SYNE2: variants seen among roughly 807,000 people sequenced by gnomAD.
SYNE2 encodes the protein spectrin repeat containing nuclear envelope protein 2.
SYNE2 carries 431 observed loss-of-function variants against 856.3 expected under a neutral mutation model. That is an observed-to-expected ratio of 0.50 (90% CI 0.47 to 0.55). The LOEUF (loss-of-function observed/expected upper bound fraction) is 0.55. Ranked by LOEUF, SYNE2 falls within the 20% of genes least tolerant of loss-of-function variation. SYNE2 has a pLI of 0.00. For synonymous variants in SYNE2, 2,923 were observed against 2,872.3 expected, an observed-to-expected ratio of 1.02 and a Z score of -0.56; for missense variants, 8,129 against 8,023.2, an observed-to-expected ratio of 1.01 and a Z score of -0.50.
At chr14:63,843,960 T>C (rs1423048477) in intron 1 of SYNE2, among the ~76,000 whole-genome samples, 1 of 152,176 alleles carries the variant, frequency 6.6e-6, no homozygotes, top group Non-Finnish European at 1.5e-5. Flanking sequence ...CACACACTCA[T>C]GCACACAGCT....
intron 56 of SYNE2, 115 bp from the exon 57 acceptor site, chr14:64,081,328 G>T (rs2097522172): frequency 7.6e-7 from 1 of 1,308,480 alleles, no homozygotes; most frequent in African/African-American, 1.5e-5. Context: ...ATGGGGAGCA[G>T]ACATCTGCAA....
chr14:63,997,070 T>C lies in SYNE2; in HGVS notation c.3064T>C (p.Tyr1022His). Residue 1022 changes from tyrosine (Y) to histidine (H), a missense_variant, in exon 24 of 116, where the codon TAT becomes CAT. By Grantham distance (83) the Tyr-to-His change is moderately conservative. Around this residue, in one of 3 missense-constraint regions of SYNE2, gnomAD observed 2,422 missense variants for 2,357.4 expected, o/e 1.03. Coordinates refer to ENST00000555002, the MANE Select transcript of SYNE2 (RefSeq NM_182914.3). The stretch of plus-strand genomic sequence containing the variant: ...AGAAGTGAAGAGACTACTCAAAGAT[T>C]ATGAACAAAAGATAGAAAGACTTCT... ...QQEVKRLLKD[Y>H]EQKIERLLKC... The C allele has an allele frequency of 6.2e-7, 1 of 1,614,064 alleles. No individual in the cohort carries two copies. The highest frequency in any genetic ancestry group is 8.5e-7 in the Non-Finnish European group (1 of 1,179,992).
At chr14:63,891,257 G>A (rs967877279) in intron 1 of SYNE2, among the ~76,000 whole-genome samples, 1 of 152,148 alleles carries the variant, frequency 6.6e-6, no homozygotes, top group African/African-American at 2.4e-5. Context: ...TACTTACGTA[G>A]GCATGAAAGT....
Position 63,983,784 on chromosome 14 carries a change from T to C in SYNE2, c.2049T>C (p.Phe683=). The part of the protein sequence containing the change: ...LMIKKQDQPT[F]DNSGNILSKE... ...TAAAAAAACAGGATCAGCCCACTTTTGACAATTCTGGAAATATTCTATCTA... is the reference window on the plus strand; with the variant it reads ...TAAAAAAACAGGATCAGCCCACTTTCGACAATTCTGGAAATATTCTATCTA... Residue 683 remains phenylalanine (F), a synonymous_variant, in exon 18 of 116, where the codon TTT becomes TTC. Transcript: ENST00000555002. 6.2e-7 allele frequency: 1 copy of C among 1,613,076 alleles called. No homozygotes were observed. Among genetic ancestry groups the C allele is most frequent in the Non-Finnish European group, 8.5e-7 (1 of 1,179,294 alleles).
chr14:64,003,342 C>T lies in SYNE2; in HGVS notation c.4397+12C>T. 2 of 1,613,828 alleles carry T rather than the reference C, an allele frequency of 1.2e-6. No homozygotes were observed. Among genetic ancestry groups the T allele is most frequent in the African/African-American group, 2.7e-5 (2 of 75,044 alleles). On this transcript the variant is annotated intron_variant, in intron 30 of 115. Transcript: ENST00000555002. ...GCTGTGAAACATCGGTAAGTATTGTCCATCCATTTCCATCCAAGGTGACTG... is the reference window on the plus strand; with the variant it reads ...GCTGTGAAACATCGGTAAGTATTGTTCATCCATTTCCATCCAAGGTGACTG...
intron 1 of SYNE2, among the ~76,000 whole-genome samples, chr14:63,907,490 T>A (rs1227809530): frequency 6.6e-6 from 1 of 152,196 alleles, no homozygotes; most frequent in Non-Finnish European, 1.5e-5. Context: ...TCCTAACTCT[T>A]ACCATTGTTA....
intron 8 of SYNE2, among the ~76,000 whole-genome samples, chr14:63,958,806 A>G (rs532727848): frequency 6.6e-6 from 1 of 152,286 alleles, no homozygotes; most frequent in East Asian, 1.9e-4. Flanking sequence ...ATTTATTTCT[A>G]TCAGTATGGA....
intron 1 of SYNE2, among the ~76,000 whole-genome samples, chr14:63,818,024 CAAA>C (rs34186501): frequency 3.1e-5 from 2 of 64,774 alleles, no homozygotes; most frequent in African/African-American, 1.3e-4. Context: ...GACCCTTTCT[CAAA>C]AAAAAAAAAA....
At chr14:64,185,206 AAGCCATGATCATGCCACTGTAGTCT>A (rs1437363975) in intron 96 of SYNE2, among the ~76,000 whole-genome samples, 1 of 152,232 alleles carries the variant, frequency 6.6e-6, no homozygotes, top group Non-Finnish European at 1.5e-5. Context: ...AGGCTGCAGT[AAGCCATGATCATGCCACTGTAGTCT>A]AGCATGGGAA....
rs11851291 is a variant in SYNE2 at position 64,011,472 on chromosome 14, C to G, written c.4728+1356C>G. Among the ~76,000 whole-genome samples, 236 of 152,282 alleles carry G rather than the reference C, an allele frequency of 1.5e-3. 1 individual carries two copies. The highest frequency in any genetic ancestry group is 5.5e-3 in the African/African-American group (228 of 41,560). ...TCCAGCATGTTCAGCCTTACCAGAT[C>G]CTCTCGGGCTTGTGTCCCAGTTCGC... On this transcript the variant is annotated intron_variant, in intron 32 of 115. Transcript: ENST00000555002.
intron 1 of SYNE2, among the ~76,000 whole-genome samples, chr14:63,905,314 A>T (rs1032110018): frequency 6.6e-6 from 1 of 151,964 alleles, no homozygotes; most frequent in Non-Finnish European, 1.5e-5. Flanking sequence ...TTTTATATGA[A>T]TTTTAGAGTT....
At chr14:64,189,061 T>C in intron 98 of SYNE2, 1 of 690,190 alleles carries the variant, frequency 1.4e-6, no homozygotes, top group Non-Finnish European at 2.6e-6. Flanking sequence ...TGGCCTGGCG[T>C]GGTGGCTCAT....
rs745691723 is a variant in SYNE2, at chr14:63,998,341, TA to T, written c.3353+18del. The T allele has an allele frequency of 5.2e-6, 8 of 1,541,140 alleles. No individual in the cohort carries two copies. In the African/African-American group the frequency reaches 1.1e-4, roughly 21 times the overall value. On this transcript the variant is annotated intron_variant, in intron 26 of 115. Coordinates refer to ENST00000555002, the MANE Select transcript of SYNE2 (RefSeq NM_182914.3). ...GTTTACTAGAGAGGTAAACTCTTTT[TA>T]AAAACAACTGGAAAATCCACCAGAA...
intron 6 of SYNE2, among the ~76,000 whole-genome samples, chr14:63,949,013 C>G (rs1388903680): frequency 6.6e-6 from 1 of 151,604 alleles, no homozygotes; most frequent in Admixed American, 6.6e-5. Flanking sequence ...GTTGGTAGTG[C>G]TTGCCAGATC....
chr14:63,954,850 ATC>A lies in SYNE2; in HGVS notation c.724_725del (p.Leu242GlufsTer26). On this transcript the variant is annotated frameshift_variant, in exon 8 of 116. Coordinates refer to ENST00000555002, the MANE Select transcript of SYNE2 (RefSeq NM_182914.3). LOFTEE classifies it high-confidence loss of function. ...GTGAAGCATAGATCCAACAAAGACAATCTGAGAGAGGCCTTCAGAATTGCAGA... is the reference window on the plus strand; with the variant it reads ...GTGAAGCATAGATCCAACAAAGACAATGAGAGAGGCCTTCAGAATTGCAGA... The A allele has an allele frequency of 6.2e-7, 1 of 1,614,024 alleles. No individual in the cohort carries two copies. The highest frequency in any genetic ancestry group is 1.7e-5 in the Admixed American group (1 of 60,012).
chr14:63,828,627 A>G (rs1889552867), intron 1 of SYNE2, among the ~76,000 whole-genome samples: 1 of 152,090 alleles, frequency 6.6e-6, no homozygotes, highest in Non-Finnish European at 1.5e-5. Context: ...ATCAAAACTG[A>G]GGCTTAGGCA....
chr14:63,874,853 G>A (rs879591133), intron 1 of SYNE2, among the ~76,000 whole-genome samples: 9 of 151,848 alleles, frequency 5.9e-5, no homozygotes, highest in Non-Finnish European at 1.2e-4. Context: ...TGCATTTCTT[G>A]CCAAATAACC....
intron 1 of SYNE2, among the ~76,000 whole-genome samples, chr14:63,801,808 A>G (rs570091567): frequency 6.6e-6 from 1 of 152,046 alleles, no homozygotes; most frequent in South Asian, 2.1e-4. Context: ...GGCAAAAGCA[A>G]TAAAATACTG....
At chr14:64,034,485 T>A (rs1187236267) in intron 45 of SYNE2, 1 of 501,038 alleles carries the variant, frequency 2.0e-6, no homozygotes, top group Non-Finnish European at 3.6e-6. Context: ...TAAATGTCAT[T>A]AATCTTAGAA....
Sources: gnomAD v4.1 joint callset for allele counts (sites outside exome capture counted in the v4.1 genomes callset) on GRCh38, gnomAD v4.1.1 for gene constraint, gnomAD v4.1.1 regional missense constraint, MANE v1.5 for transcripts, NCBI Gene and HGNC (gene_info 2026-07-23, HGNC 2026-07-21) for gene names.